Variants in JCHAIN observed in about 807,000 individuals in gnomAD.
The protein encoded by JCHAIN is immunoglobulin J chain.
Under a neutral mutation model 11.1 loss-of-function variants are expected in JCHAIN, and 5 were observed. That is an observed-to-expected ratio of 0.45 (90% CI 0.24 to 0.95). The LOEUF is 0.95. Among genes scored for constraint, JCHAIN ranks in the 40% least tolerant of loss-of-function variants. JCHAIN has a pLI of 0.21. For synonymous variants in JCHAIN, 51 were observed against 67.8 expected (o/e 0.75, Z 1.22); for missense variants, 165 against 192.7 (o/e 0.86, Z 0.85).
Position 70,662,652 on chromosome 4 carries a change from G to T in JCHAIN, c.65-437C>A, listed in dbSNP as rs76190865. 9.1e-3 allele frequency among the ~76,000 whole-genome samples: 1,385 copies of T among 152,142 alleles called. 14 individuals carry two copies. The highest frequency in any genetic ancestry group is 0.031 in the African/African-American group (1,277 of 41,492). On this transcript the variant is annotated intron_variant, in intron 1 of 3. Transcript: ENST00000254801. ...AGTACATGATTCAATTTAAAAAAAG[G>T]CTATATTTCTTATAAGAATTATTTT...
At chr4:70,659,549 C>CAAAAAA (rs35627461) in intron 2 of JCHAIN, among the ~76,000 whole-genome samples, 377 of 16,554 alleles carry the variant, frequency 0.023, 141 homozygotes, top group African/African-American at 0.046. Flanking sequence ...GACTCTGTCT[C>CAAAAAA]AAAAAAAAAA....
At chr4:70,666,151 C>G (rs557227256) in intron 1 of JCHAIN, among the ~76,000 whole-genome samples, 1 of 152,028 alleles carries the variant, frequency 6.6e-6, no homozygotes, top group African/African-American at 2.4e-5. Context: ...TTTTAAGATT[C>G]AATATGGACA....
chr4:70,662,327 G>T, intron 1 of JCHAIN, 112 bp from the exon 2 acceptor site: 1 of 904,526 alleles, frequency 1.1e-6, no homozygotes, highest in Non-Finnish European at 1.7e-6. Context: ...TGGTTGGTTT[G>T]TCTCAGCTTT....
intron 2 of JCHAIN, among the ~76,000 whole-genome samples, chr4:70,657,539 C>T (rs1738972411): frequency 6.6e-6 from 1 of 152,094 alleles, no homozygotes; most frequent in Non-Finnish European, 1.5e-5. Flanking sequence ...CAAATTTTTG[C>T]TTTTCCTTTA....
chr4:70,661,234 ATAG>A (rs1359794133), intron 2 of JCHAIN, among the ~76,000 whole-genome samples: 1 of 152,224 alleles, frequency 6.6e-6, no homozygotes, highest in Admixed American at 6.5e-5. Flanking sequence ...AATTTCTCAA[ATAG>A]TATTAGCATT....
intron 1 of JCHAIN, chr4:70,665,976 G>A (rs921444703): frequency 4.6e-6 from 1 of 215,994 alleles, no homozygotes; most frequent in African/African-American, 2.4e-5. Context: ...CATTGTTAAA[G>A]GGTCATAATA....
At chr4:70,657,433 A>T in intron 2 of JCHAIN, 142 bp from the exon 3 acceptor site, 1 of 398,660 alleles carries the variant, frequency 2.5e-6, no homozygotes, top group East Asian at 3.6e-5. Flanking sequence ...TAATACCGTT[A>T]CTCAGATTTT....
rs878968541 is a variant in JCHAIN, at chr4:70,655,915, G to A, written c.*414C>T. 1.5e-4 allele frequency: 23 copies of A among 154,652 alleles called. No homozygotes were observed. The East Asian group carries it at 1.7e-3, about 11-fold the overall frequency. The allele number at this position is 154,652 out of a possible 1,614,324, so 9.6% of individuals were successfully genotyped here. On this transcript the variant is annotated 3_prime_UTR_variant, in exon 4 of 4. Coordinates refer to ENST00000254801, the MANE Select transcript of JCHAIN (RefSeq NM_144646.4). ...TTAAAAAGAATAGTAAAGAAAATGC[G>A]GAAGCTCTGGCTCTCCAAGGCAAAG...
At chr4:70,666,270 A>G (rs575841104) in intron 1 of JCHAIN, among the ~76,000 whole-genome samples, 157 bp downstream of exon 1, 2 of 152,328 alleles carry the variant, frequency 1.3e-5, no homozygotes, top group East Asian at 3.9e-4. Context: ...AGTCTTATCT[A>G]TGTAAAGACA....
chr4:70,657,238 G>A lies in JCHAIN; in HGVS notation c.242C>T (p.Thr81Ile), dbSNP rs763162273. The change falls in exon 3 of 4, where the codon ACC becomes ATC. Residue 81 changes from threonine (T) to isoleucine (I), a missense_variant. Coordinates refer to ENST00000254801, the MANE Select transcript of JCHAIN (RefSeq NM_144646.4). ...NISDPTSPLR[T>I]RFVYHLSDLC... ...GTCAGACAAATGGTACACAAATCTG[G>A]TTCTCAATGGTGAGGTGGGATCAGA... The A allele has an allele frequency of 5.0e-6, 8 of 1,602,338 alleles. No individual in the cohort carries two copies. In the South Asian group the frequency reaches 8.8e-5, roughly 18 times the overall value.
chr4:70,660,558 A>G (rs930166117), intron 2 of JCHAIN, among the ~76,000 whole-genome samples: 20 of 151,878 alleles, frequency 1.3e-4, no homozygotes, highest in Non-Finnish European at 2.5e-4. Flanking sequence ...TAATTTTTGT[A>G]TTTTTAGTAG....
At position 70,662,315 on chromosome 4, in the gene JCHAIN, T is replaced by C. The variant is rs976099341; in HGVS notation, c.65-100A>G. On this transcript the variant is annotated intron_variant, in intron 1 of 3. Transcript: ENST00000254801. ...TTTCTTGCCTGCAGAAAAATAGTTTTATGGTTGGTTTGTCTCAGCTTTCTC... is the reference window on the plus strand; with the variant it reads ...TTTCTTGCCTGCAGAAAAATAGTTTCATGGTTGGTTTGTCTCAGCTTTCTC... The C allele has an allele frequency of 2.5e-5, 27 of 1,074,754 alleles. No individual in the cohort carries two copies. In the East Asian group the frequency reaches 6.9e-4, roughly 27 times the overall value. 66.6% of individuals were successfully genotyped at this position (1,074,754 alleles called of 1,614,324 possible). A position where few individuals can be genotyped will look rare whatever the true frequency, so the allele number is the denominator to read the frequency against.
At chr4:70,661,804 A>T (rs73824848) in intron 2 of JCHAIN, among the ~76,000 whole-genome samples, 3,435 of 152,208 alleles carry the variant, frequency 0.023, 114 homozygotes, top group African/African-American at 0.073. Flanking sequence ...AAAATAAATG[A>T]ATAGAAATAA....
intron 1 of JCHAIN, among the ~76,000 whole-genome samples, chr4:70,664,945 C>T (rs1191975176): frequency 6.6e-6 from 1 of 152,124 alleles, no homozygotes; most frequent in Non-Finnish European, 1.5e-5. Context: ...TTTCAATTCA[C>T]CAAGACTTAG....
chr4:70,661,337 C>T (rs929996747), intron 2 of JCHAIN, among the ~76,000 whole-genome samples: 2 of 152,062 alleles, frequency 1.3e-5, no homozygotes, highest in African/African-American at 4.8e-5. Context: ...AAAGTGAGAT[C>T]AAATCAAATT....
chr4:70,660,653 G>A (rs995978730), intron 2 of JCHAIN, among the ~76,000 whole-genome samples: 3 of 152,078 alleles, frequency 2.0e-5, no homozygotes, highest in African/African-American at 7.2e-5. Context: ...CAAAGTGCTG[G>A]CATTACAGGC....
At chr4:70,663,532 T>C (rs899240340) in intron 1 of JCHAIN, 11 of 151,786 alleles carry the variant, frequency 7.2e-5, no homozygotes, top group Admixed American at 6.6e-4. Context: ...AAATTTTGTA[T>C]CATCTGGGTT....
At chr4:70,661,616 C>T (rs1323097656) in intron 2 of JCHAIN, among the ~76,000 whole-genome samples, 1 of 152,006 alleles carries the variant, frequency 6.6e-6, no homozygotes, top group East Asian at 1.9e-4. Context: ...ATAGTGAGAC[C>T]CTGTCTCTAA....
rs752044808 is a variant in JCHAIN at position 70,656,483 on chromosome 4, G to A, written c.326C>T (p.Thr109Ile). Residue 109 changes from threonine to isoleucine, a missense_variant, in exon 4 of 4, where the codon ACC becomes ATC. By Grantham distance (89) the Thr-to-Ile change is moderately conservative. Transcript: ENST00000254801. ...VELDNQIVTA[T>I]QSNICDEDSA... Reference sequence around the variant, plus strand: ...GTCTTCATCACAGATATTGCTCTGGGTAGCAGTAACTATCTGATTATCCAG... The same window carrying A: ...GTCTTCATCACAGATATTGCTCTGGATAGCAGTAACTATCTGATTATCCAG... The A allele has an allele frequency of 3.7e-6, 6 of 1,613,836 alleles. No individual in the cohort carries two copies. In the South Asian group the frequency reaches 6.6e-5, roughly 18 times the overall value.
Sources: gnomAD v4.1 joint callset for allele counts (sites outside exome capture counted in the v4.1 genomes callset) on GRCh38, gnomAD v4.1.1 for gene constraint, MANE v1.5 for transcripts, NCBI Gene and HGNC (gene_info 2026-07-23, HGNC 2026-07-21) for gene names.